ZSWIM6: variants seen among roughly 807,000 people sequenced by gnomAD.
The protein encoded by ZSWIM6 is zinc finger SWIM domain-containing protein 6.
A neutral mutation model predicts 113.2 loss-of-function variants in ZSWIM6; 9 were observed. The ratio of observed to expected loss-of-function variants is 0.08; its 90% CI spans 0.05 to 0.14. The LOEUF is 0.14. Ranked by LOEUF, ZSWIM6 falls within the 10% of genes least tolerant of loss-of-function variation. ZSWIM6 has a pLI of 1.00. For missense variants in ZSWIM6, 1,162 were observed against 1,552.2 expected (o/e 0.75, Z 4.22); for synonymous variants, 611 against 606.5 (o/e 1.01, Z -0.11).
intron 1 of ZSWIM6, among the ~76,000 whole-genome samples, chr5:61,432,989 C>G (rs369094460): frequency 2.0e-5 from 3 of 151,954 alleles, no homozygotes; most frequent in Non-Finnish European, 2.9e-5. Flanking sequence ...TTTGGTGGGT[C>G]GTTAAATTTT....
rs559302380 is a variant in ZSWIM6 at position 61,333,548 on chromosome 5, C to T, written c.676+600C>T. ...GACGGGCGAGCGGCCGCGGCGCTCC[C>T]GGGTCGCTGTGGCGTCTGGCCCGGG... On this transcript the variant is annotated intron_variant, in intron 1 of 13. Transcript: ENST00000252744. Among the ~76,000 whole-genome samples the T allele has an allele frequency of 7.2e-5, 11 of 152,038 alleles. No individual in the cohort carries two copies. In the South Asian group the frequency reaches 2.1e-3, roughly 29 times the overall value.
chr5:61,348,172 G>C (rs1378031499), intron 1 of ZSWIM6, among the ~76,000 whole-genome samples: 1 of 152,194 alleles, frequency 6.6e-6, no homozygotes, highest in Non-Finnish European at 1.5e-5. Flanking sequence ...AGTGAGCTGA[G>C]ATCATGCCAC....
intron 1 of ZSWIM6, among the ~76,000 whole-genome samples, chr5:61,404,512 T>G (rs1271059993): frequency 6.6e-6 from 1 of 152,216 alleles, no homozygotes; most frequent in Non-Finnish European, 1.5e-5. Context: ...TAGGATTTGT[T>G]GGTAGGCAGC....
At position 61,538,248 on chromosome 5, in the gene ZSWIM6, C is replaced by T. The variant is rs1459362601; in HGVS notation, c.2382-566C>T. ...GTAGAACATAGTCTAATGTCAAATT[C>T]CTGGAGTCATAAGAAACTAATTGTT... On this transcript the variant is annotated intron_variant, in intron 10 of 13. Coordinates refer to ENST00000252744, the MANE Select transcript of ZSWIM6 (RefSeq NM_020928.2). Among the ~76,000 whole-genome samples, 3 of 152,138 alleles carry T rather than the reference C, an allele frequency of 2.0e-5. No individual in the cohort carries two copies. In the East Asian group the frequency reaches 5.8e-4, roughly 29 times the overall value.
At chr5:61,517,902 G>A (rs369149275) in intron 4 of ZSWIM6, among the ~76,000 whole-genome samples, 9 of 148,836 alleles carry the variant, frequency 6.0e-5, no homozygotes, top group East Asian at 4.0e-4. Context: ...CCACTAACTC[G>A]TCATCTAGCA....
intron 1 of ZSWIM6, among the ~76,000 whole-genome samples, chr5:61,439,630 T>C (rs897236096): frequency 2.6e-5 from 4 of 152,214 alleles, no homozygotes; most frequent in African/African-American, 9.6e-5. Context: ...TTATTTGTTC[T>C]ACTGTTGGTG....
At chr5:61,462,022 C>G (rs895624161) in intron 1 of ZSWIM6, among the ~76,000 whole-genome samples, 2 of 152,170 alleles carry the variant, frequency 1.3e-5, no homozygotes, top group African/African-American at 4.8e-5. Context: ...ATTTTCTTCC[C>G]AGCTGGCTCT....
chr5:61,529,901 T>C (rs1208030543), intron 7 of ZSWIM6, 151 bp from the exon 8 acceptor site: 3 of 670,120 alleles, frequency 4.5e-6, no homozygotes, highest in Non-Finnish European at 7.1e-6. Context: ...TACCTTTTGA[T>C]TGGTTTCTTA....
intron 4 of ZSWIM6, among the ~76,000 whole-genome samples, chr5:61,517,344 T>C (rs1748976460): frequency 6.6e-6 from 1 of 152,182 alleles, no homozygotes; most frequent in Admixed American, 6.6e-5. Flanking sequence ...TTTTCTTCAG[T>C]TGAGATCATT....
chr5:61,456,476 C>G (rs963233862), intron 1 of ZSWIM6, among the ~76,000 whole-genome samples: 1 of 152,094 alleles, frequency 6.6e-6, no homozygotes. Context: ...AAAACAAAAA[C>G]CTTATTCTTA....
At chr5:61,517,013 A>T (rs1580056512) in intron 4 of ZSWIM6, among the ~76,000 whole-genome samples, 2 of 152,192 alleles carry the variant, frequency 1.3e-5, no homozygotes, top group Non-Finnish European at 2.9e-5. Flanking sequence ...ATTTCTAATT[A>T]TTCAAGTCAC....
intron 1 of ZSWIM6, among the ~76,000 whole-genome samples, chr5:61,456,345 G>T (rs1039971852): frequency 1.2e-4 from 18 of 152,036 alleles, no homozygotes; most frequent in Non-Finnish European, 2.1e-4. Context: ...CTCAAATCTG[G>T]CTAGATTTTT....
chr5:61,447,210 A>C (rs1053113478), intron 1 of ZSWIM6, among the ~76,000 whole-genome samples: 1 of 152,092 alleles, frequency 6.6e-6, no homozygotes, highest in Non-Finnish European at 1.5e-5. Context: ...GAGAGACCTA[A>C]CTTATGCAGA....
rs1350916262 is a variant in ZSWIM6, at chr5:61,526,254, T to C, written c.1695T>C (p.His565=). ...CCCCTTGACTTTCTGTTTTAGAACA[T>C]GTTCCTACAGCCTGTGCAAGAGTGG... is the stretch of plus-strand genomic sequence containing the variant. ...DSRGWPLWHE[H]VPTACARVDA... Residue 565 remains histidine, a synonymous_variant, in exon 7 of 14, where the codon CAT becomes CAC. Coordinates refer to ENST00000252744, the MANE Select transcript of ZSWIM6 (RefSeq NM_020928.2). 1.9e-6 allele frequency: 3 copies of C among 1,548,092 alleles called. No homozygotes were observed. The highest frequency in any genetic ancestry group is 1.4e-5 in the African/African-American group (1 of 72,974).
intron 4 of ZSWIM6, among the ~76,000 whole-genome samples, chr5:61,515,521 A>G (rs1323695539): frequency 6.6e-6 from 1 of 152,134 alleles, no homozygotes; most frequent in Admixed American, 6.6e-5. Context: ...TCCTTTTATC[A>G]GAAACCTACT....
intron 1 of ZSWIM6, among the ~76,000 whole-genome samples, chr5:61,337,806 G>A (rs1744434439): frequency 6.6e-6 from 1 of 152,204 alleles, no homozygotes; most frequent in Non-Finnish European, 1.5e-5. Context: ...AAGCAGTTAA[G>A]TGAATGGTCA....
chr5:61,409,469 G>T (rs543624159), intron 1 of ZSWIM6, among the ~76,000 whole-genome samples: 11 of 152,248 alleles, frequency 7.2e-5, no homozygotes, highest in South Asian at 6.2e-4. Context: ...CCACCTTTGC[G>T]CAAGATAGTT....
chr5:61,358,322 TCCTCATTC>T (rs1459559019), intron 1 of ZSWIM6, among the ~76,000 whole-genome samples: 2 of 152,338 alleles, frequency 1.3e-5, no homozygotes, highest in African/African-American at 4.8e-5. Flanking sequence ...ATCATGTATT[TCCTCATTC>T]TTTTAAGTTA....
chr5:61,384,457 G>T (rs901957644), intron 1 of ZSWIM6, among the ~76,000 whole-genome samples: 7 of 152,228 alleles, frequency 4.6e-5, no homozygotes, highest in African/African-American at 1.4e-4. Flanking sequence ...GGGCAGGGAA[G>T]AAAGAAAGTT....
Sources: gnomAD v4.1 joint callset for allele counts (sites outside exome capture counted in the v4.1 genomes callset) on GRCh38, gnomAD v4.1.1 for gene constraint, MANE v1.5 for transcripts, NCBI Gene and HGNC (gene_info 2026-07-23, HGNC 2026-07-21) for gene names.